Variants in ZNF407 observed in about 807,000 individuals in gnomAD.
ZNF407 encodes the protein zinc finger protein 407.
ZNF407 carries 17 observed loss-of-function variants against 131.2 expected under a neutral mutation model. That is an observed-to-expected ratio of 0.13 (90% confidence interval 0.09 to 0.19). The LOEUF (loss-of-function observed/expected upper bound fraction) is 0.19. Among genes scored for constraint, ZNF407 ranks in the 10% least tolerant of loss-of-function variants. ZNF407 has a pLI of 1.00. For missense variants in ZNF407, 2,681 were observed against 2,830.6 expected (o/e 0.95, Z 1.20); for synonymous variants, 1,156 against 1,062.0 (o/e 1.09, Z -1.72).
intron 8 of ZNF407, among the ~76,000 whole-genome samples, chr18:74,985,404 C>T (rs2122124732): frequency 6.6e-6 from 1 of 152,262 alleles, no homozygotes; most frequent in South Asian, 2.1e-4. Flanking sequence ...ATGTCGTTGA[C>T]ATGAGGAAAG....
intron 4 of ZNF407, among the ~76,000 whole-genome samples, chr18:74,858,350 A>G (rs1019281635): frequency 6.6e-5 from 10 of 152,024 alleles, no homozygotes; most frequent in Non-Finnish European, 1.2e-4. Flanking sequence ...ATTGTTTTCT[A>G]TTTTGCTGTT....
At chr18:74,715,842 A>G (rs1409798458) in intron 3 of ZNF407, among the ~76,000 whole-genome samples, 1 of 152,156 alleles carries the variant, frequency 6.6e-6, no homozygotes, top group African/African-American at 2.4e-5. Flanking sequence ...GACCTGGAGA[A>G]GGCTGTTTTC....
At chr18:75,020,421 G>A (rs1020919683) in intron 8 of ZNF407, among the ~76,000 whole-genome samples, 3 of 151,972 alleles carry the variant, frequency 2.0e-5, no homozygotes, top group Non-Finnish European at 4.4e-5. Flanking sequence ...GCACATAAGG[G>A]CACTACAATG....
rs1216152828 is a variant in ZNF407, at chr18:74,685,686, C to CT, written c.4802+44565dup. Among the ~76,000 whole-genome samples, 5 of 152,320 alleles carry CT rather than the reference C, an allele frequency of 3.3e-5. No individual in the cohort carries two copies. In the East Asian group the frequency reaches 9.6e-4, roughly 29 times the overall value. On this transcript the variant is annotated intron_variant, in intron 3 of 8. Coordinates refer to ENST00000299687, the MANE Select transcript of ZNF407 (RefSeq NM_017757.3). ...CTCCTTCTTGAATATGTGGCGCATG[C>CT]TCTCTCCTTAGCTCCTTTACTCTGT... is the stretch of plus-strand genomic sequence containing the variant.
At chr18:74,952,317 A>G (rs1166568297) in intron 8 of ZNF407, among the ~76,000 whole-genome samples, 1 of 152,190 alleles carries the variant, frequency 6.6e-6, no homozygotes, top group Non-Finnish European at 1.5e-5. Context: ...CATCCCTGAT[A>G]TTATCCCTTT....
intron 1 of ZNF407, among the ~76,000 whole-genome samples, chr18:74,624,175 G>A (rs1018006260): frequency 3.3e-5 from 5 of 152,074 alleles, no homozygotes; most frequent in Admixed American, 2.0e-4. Flanking sequence ...GCTTTGTTCC[G>A]GGGAGAGCCA....
chr18:74,605,742 T>TA lies in ZNF407; in HGVS notation c.-54+7811dup, dbSNP rs1982775968. On this transcript the variant is annotated intron_variant, in intron 1 of 8. Coordinates refer to ENST00000299687, the MANE Select transcript of ZNF407 (RefSeq NM_017757.3). ...TATGAAAACCACATTTTTTTAAACT[T>TA]AAAAAATTAACTTTATTATGAACCC... 2.0e-5 allele frequency among the ~76,000 whole-genome samples: 3 copies of TA among 152,274 alleles called. No homozygotes were observed. In the South Asian group the frequency reaches 6.2e-4, roughly 32 times the overall value.
intron 3 of ZNF407, among the ~76,000 whole-genome samples, chr18:74,642,927 G>T (rs1984790459): frequency 6.6e-6 from 1 of 152,072 alleles, no homozygotes; most frequent in Non-Finnish European, 1.5e-5. Context: ...AATGAAATTT[G>T]ATTTAAAAGT....
intron 3 of ZNF407, among the ~76,000 whole-genome samples, chr18:74,666,907 C>CACTT (rs2308306): frequency 0.83 from 125,532 of 151,696 alleles, 52,307 homozygotes; most frequent in Middle Eastern, 0.88. Flanking sequence ...TGTTTTTGGT[C>CACTT]ACAGAATATT....
chr18:74,959,920 C>G (rs1179189240), intron 8 of ZNF407, among the ~76,000 whole-genome samples: 1 of 152,208 alleles, frequency 6.6e-6, no homozygotes, highest in Non-Finnish European at 1.5e-5. Context: ...ATGGGAGTTG[C>G]ATCCAACAGT....
Position 74,633,829 on chromosome 18 carries a change from C to T in ZNF407, c.2810C>T (p.Ser937Leu), listed in dbSNP as rs1272151126. The T allele has an allele frequency of 6.2e-7, 1 of 1,613,964 alleles. No individual in the cohort carries two copies. The highest frequency in any genetic ancestry group is 8.5e-7 in the Non-Finnish European group (1 of 1,179,890). The change falls in exon 2 of 9, where the codon TCA becomes TTA. Residue 937 changes from serine (S) to leucine (L), a missense_variant. Around this residue, in one of 6 missense-constraint regions of ZNF407, gnomAD observed 1,789 missense variants for 1,748.7 expected, o/e 1.02. Coordinates refer to ENST00000299687, the MANE Select transcript of ZNF407 (RefSeq NM_017757.3). ...GAAGCTGGTAAAAAGAATGCTGGCT[C>T]AGCAGTGACCATGTCAGATGAACAT... ...SLEAGKKNAG[S>L]AVTMSDEHAN...
intron 4 of ZNF407, among the ~76,000 whole-genome samples, chr18:74,820,208 GT>G (rs1970321737): frequency 6.6e-6 from 1 of 152,184 alleles, no homozygotes; most frequent in African/African-American, 2.4e-5. Context: ...TAGATGGGAG[GT>G]TTGCGTGTGC....
At chr18:75,020,440 T>C (rs1029649068) in intron 8 of ZNF407, among the ~76,000 whole-genome samples, 3 of 152,102 alleles carry the variant, frequency 2.0e-5, no homozygotes, top group Non-Finnish European at 4.4e-5. Context: ...TGTGAAACTT[T>C]TTCCTGGAAA....
At chr18:75,023,941 AG>A (rs1224418675) in intron 8 of ZNF407, among the ~76,000 whole-genome samples, 1 of 152,150 alleles carries the variant, frequency 6.6e-6, no homozygotes, top group Non-Finnish European at 1.5e-5. Context: ...ACAAATATTG[AG>A]CTCCCTCTTC....
rs1386739479 is a variant in ZNF407, at chr18:74,632,119, C to T, written c.1100C>T (p.Thr367Ile). The part of the protein sequence containing the change: ...QEVEIVEEHV[T>I]SLGLAQNPEN... ...GTAGAGATTGTTGAAGAACATGTTA[C>T]TTCCCTTGGTCTAGCTCAGAATCCT... The change falls in exon 2 of 9, where the codon ACT (threonine) becomes ATT (isoleucine). Residue 367 changes from threonine to isoleucine, a missense_variant. Physicochemically the swap from Thr to Ile is moderately conservative, Grantham distance 89. Around this residue, in one of 6 missense-constraint regions of ZNF407, gnomAD observed 1,789 missense variants for 1,748.7 expected, o/e 1.02. Transcript: ENST00000299687. The T allele has an allele frequency of 1.9e-6, 3 of 1,613,990 alleles. No individual in the cohort carries two copies. Among genetic ancestry groups the T allele is most frequent in the Non-Finnish European group, 2.5e-6 (3 of 1,179,900 alleles).
At chr18:74,962,904 T>A (rs1039390831) in intron 8 of ZNF407, among the ~76,000 whole-genome samples, 2 of 152,274 alleles carry the variant, frequency 1.3e-5, no homozygotes, top group African/African-American at 4.8e-5. Flanking sequence ...GAATGAATGC[T>A]GGCAGTGTCT....
In ZNF407 at chr18:74,842,710, C is replaced by T. The variant is rs191791500; in HGVS notation, c.4878-34487C>T. Among the ~76,000 whole-genome samples the T allele has an allele frequency of 7.8e-4, 118 of 151,906 alleles. 1 individual carries two copies. The East Asian group carries it at 0.011, about 14-fold the overall frequency. On this transcript the variant is annotated intron_variant, in intron 4 of 8. Coordinates refer to ENST00000299687, the MANE Select transcript of ZNF407 (RefSeq NM_017757.3). ...TTTATATACTATATTGTTCCCTTTTCGGCTATGCTATTTATTTATTTATTA... is the reference window on the plus strand; with the variant it reads ...TTTATATACTATATTGTTCCCTTTTTGGCTATGCTATTTATTTATTTATTA...
At chr18:74,974,186 C>A (rs558822783) in intron 8 of ZNF407, among the ~76,000 whole-genome samples, 4 of 152,238 alleles carry the variant, frequency 2.6e-5, no homozygotes, top group Middle Eastern at 3.4e-3. Flanking sequence ...CCTGTGTATC[C>A]TTCGAAGTAG....
At chr18:74,814,186 A>G (rs1168489993) in intron 4 of ZNF407, among the ~76,000 whole-genome samples, 1 of 152,194 alleles carries the variant, frequency 6.6e-6, no homozygotes, top group Non-Finnish European at 1.5e-5. Flanking sequence ...CCCAAGCCAG[A>G]GTATAGTGGT....
Sources: gnomAD v4.1 joint callset for allele counts (sites outside exome capture counted in the v4.1 genomes callset) on GRCh38, gnomAD v4.1.1 for gene constraint, gnomAD v4.1.1 regional missense constraint, MANE v1.5 for transcripts, NCBI Gene and HGNC (gene_info 2026-07-23, HGNC 2026-07-21) for gene names.